AP5M1: variants seen among roughly 807,000 people sequenced by gnomAD.
AP5M1 encodes adaptor related protein complex 5 subunit mu 1, also known as AP-5 complex subunit mu-1.
AP5M1 carries 44 observed loss-of-function variants against 52.3 expected under a neutral mutation model. That is an observed-to-expected ratio of 0.84 (90% CI 0.66 to 1.08). AP5M1 has a LOEUF of 1.08. Ranked by LOEUF, AP5M1 falls within the 50% of genes least tolerant of loss-of-function variation. AP5M1 has a pLI of 0.00. For synonymous variants in AP5M1, 213 were observed against 199.0 expected, an observed-to-expected ratio of 1.07 and a Z score of -0.59; for missense variants, 526 against 568.4, an observed-to-expected ratio of 0.93 and a Z score of 0.76.
intron 1 of AP5M1, among the ~76,000 whole-genome samples, chr14:57,270,748 C>G (rs1262539317): frequency 1.3e-5 from 2 of 152,216 alleles, no homozygotes; most frequent in South Asian, 2.1e-4. Flanking sequence ...TTCCCACTGA[C>G]AGATAACTCT....
chr14:57,275,085 A>C (rs576571358), intron 2 of AP5M1, 196 bp downstream of exon 2: 1 of 623,904 alleles, frequency 1.6e-6, no homozygotes, highest in South Asian at 2.0e-5. Context: ...GGCTGTGTAA[A>C]GAATTGTCTC....
At position 57,277,712 on chromosome 14, in the gene AP5M1, C is replaced by T. The variant is rs1009447144; in HGVS notation, c.721-2483C>T. 1.3e-4 allele frequency among the ~76,000 whole-genome samples: 14 copies of T among 111,100 alleles called. 1 individual carries two copies. The South Asian group carries it at 3.4e-3, about 27-fold the overall frequency. The allele number at this position is 111,100 out of a possible 152,430, so 72.9% of individuals were successfully genotyped here. A position where few individuals can be genotyped will look rare whatever the true frequency, so the allele number is the denominator to read the frequency against. Reference sequence around the variant, plus strand: ...CACACATGTCAAATAGTAGGTAAAACATTAAAAGTGAAACATTTCACATTA... The same window carrying T: ...CACACATGTCAAATAGTAGGTAAAATATTAAAAGTGAAACATTTCACATTA... On this transcript the variant is annotated intron_variant, in intron 2 of 7. Transcript: ENST00000261558.
chr14:57,295,150 G>A lies in AP5M1; in HGVS notation c.*6266G>A, dbSNP rs1160539472. 6.6e-6 allele frequency: 1 copy of A among 151,814 alleles called. No homozygotes were observed. Among genetic ancestry groups the A allele is most frequent in the Non-Finnish European group, 1.5e-5 (1 of 67,832 alleles). The allele number at this position is 151,814 out of a possible 1,614,324, so 9.4% of individuals were successfully genotyped here. A position where few individuals can be genotyped will look rare whatever the true frequency, so the allele number is the denominator to read the frequency against. On this transcript the variant is annotated 3_prime_UTR_variant, in exon 8 of 8. Coordinates refer to ENST00000261558, the MANE Select transcript of AP5M1 (RefSeq NM_018229.4). ...GCAGATTTGTTTCTAAAGGACATAG[G>A]AGTGCATTTTTTATATGAAACCAGA... is the stretch of plus-strand genomic sequence containing the variant.
intron 7 of AP5M1, 139 bp downstream of exon 7, chr14:57,286,458 C>A: frequency 3.2e-6 from 2 of 626,878 alleles, no homozygotes; most frequent in Non-Finnish European, 5.6e-6. Context: ...TGATTCTACC[C>A]CACATAACAG....
intron 2 of AP5M1, among the ~76,000 whole-genome samples, chr14:57,279,246 A>C (rs1273163175): frequency 6.6e-6 from 1 of 152,218 alleles, no homozygotes; most frequent in African/African-American, 2.4e-5. Context: ...TCATTGCAGC[A>C]CTATTCACAA....
intron 2 of AP5M1, among the ~76,000 whole-genome samples, chr14:57,276,156 C>T (rs1885031445): frequency 6.6e-6 from 1 of 151,802 alleles, no homozygotes; most frequent in African/African-American, 2.4e-5. Flanking sequence ...AAAATATACT[C>T]CAGTTACTCA....
In AP5M1 at chr14:57,269,256, C is replaced by A; in HGVS notation, c.-59C>A. The A allele has an allele frequency of 1.3e-6, 2 of 1,524,874 alleles. No individual in the cohort carries two copies. Among genetic ancestry groups the A allele is most frequent in the Admixed American group, 3.4e-5 (2 of 58,716 alleles). The allele number at this position is 1,524,874 out of a possible 1,614,324, so 94.5% of individuals were successfully genotyped here. A position where few individuals can be genotyped will look rare whatever the true frequency, so the allele number is the denominator to read the frequency against. ...GAGTCTGTCTGAGAAAGCCGGTCTG[C>A]GCTGTTCCTCGGTGGCGACCTTAAT... On this transcript the variant is annotated 5_prime_UTR_variant, in exon 1 of 8. Coordinates refer to ENST00000261558, the MANE Select transcript of AP5M1 (RefSeq NM_018229.4).
intron 7 of AP5M1, 161 bp downstream of exon 7, chr14:57,286,480 T>C (rs897649618): frequency 1.1e-4 from 58 of 547,340 alleles, no homozygotes; most frequent in Middle Eastern, 9.6e-4. Context: ...TTGTGTACTT[T>C]ACACTGCCCT....
At chr14:57,286,471 T>C in intron 7 of AP5M1, 152 bp downstream of exon 7, 1 of 593,994 alleles carries the variant, frequency 1.7e-6, no homozygotes, top group Non-Finnish European at 3.0e-6. Context: ...CATAACAGTT[T>C]GTGTACTTTA....
rs1885550748 is a variant in AP5M1 at position 57,296,263 on chromosome 14, AC to A, written c.*7380del. 6.6e-6 allele frequency: 1 copy of A among 151,976 alleles called. No individual in the cohort carries two copies. Among genetic ancestry groups the A allele is most frequent in the African/African-American group, 2.4e-5 (1 of 41,408 alleles). The allele number at this position is 151,976 out of a possible 1,614,324, so 9.4% of individuals were successfully genotyped here. A position where few individuals can be genotyped will look rare whatever the true frequency, so the allele number is the denominator to read the frequency against. On this transcript the variant is annotated 3_prime_UTR_variant, in exon 8 of 8. Transcript: ENST00000261558. ...TTATGGATTGGCTGATTTTTGAAGAACTATTTTCTTAGATTTACCAACAGGA... is the reference window on the plus strand; with the variant it reads ...TTATGGATTGGCTGATTTTTGAAGAATATTTTCTTAGATTTACCAACAGGA...
At chr14:57,270,836 C>T (rs1179377291) in intron 1 of AP5M1, among the ~76,000 whole-genome samples, 3 of 152,186 alleles carry the variant, frequency 2.0e-5, no homozygotes, top group Non-Finnish European at 2.9e-5. Flanking sequence ...GACTTCACTT[C>T]CTAATGTTAC....
At chr14:57,272,900 C>T (rs1037719806) in intron 1 of AP5M1, among the ~76,000 whole-genome samples, 1 of 151,962 alleles carries the variant, frequency 6.6e-6, no homozygotes, top group African/African-American at 2.4e-5. Flanking sequence ...TGTTTGTTTG[C>T]TTGCTTGCTT....
In AP5M1 at chr14:57,289,085, C is replaced by CTTCGA. The variant is rs1279864584; in HGVS notation, c.*204_*208dup. Reference sequence around the variant, plus strand: ...AGCTAATGTCTCCAATTTTGTTAACCTTCGATTTTATGCCAGTATAATTCA... The same window carrying CTTCGA: ...AGCTAATGTCTCCAATTTTGTTAACCTTCGATTCGATTTTATGCCAGTATAATTCA... On this transcript the variant is annotated 3_prime_UTR_variant, in exon 8 of 8. Transcript: ENST00000261558. 1.8e-4 allele frequency: 68 copies of CTTCGA among 370,576 alleles called. No individual in the cohort carries two copies. The highest frequency in any genetic ancestry group is 1.4e-3 in the African/African-American group (64 of 46,388). The allele number at this position is 370,576 out of a possible 1,614,324, so 23.0% of individuals were successfully genotyped here. A position where few individuals can be genotyped will look rare whatever the true frequency, so the allele number is the denominator to read the frequency against.
Position 57,283,198 on chromosome 14 carries a change from C to G in AP5M1, c.1261C>G (p.Pro421Ala). The change falls in exon 6 of 8, where the codon CCA becomes GCA. Residue 421 changes from proline to alanine, a missense_variant. This residue lies in a region of AP5M1 where 97 missense variants were observed against 121.3 expected (regional missense o/e 0.80). Transcript: ENST00000261558. ...AKSHEKQPFDPICTGETAYLK... is the reference protein window; with the variant it reads ...AKSHEKQPFDAICTGETAYLK... ...GAGCCATGAGAAGCAGCCATTTGACCCAATTTGTACTGGAGAAACAGCATA... is the reference window on the plus strand; with the variant it reads ...GAGCCATGAGAAGCAGCCATTTGACGCAATTTGTACTGGAGAAACAGCATA... 1 of 1,612,762 alleles carries G rather than the reference C, an allele frequency of 6.2e-7. No individual in the cohort carries two copies. Among genetic ancestry groups the G allele is most frequent in the East Asian group, 2.2e-5 (1 of 44,828 alleles).
rs369238197 is a variant in AP5M1 at position 57,288,917 on chromosome 14, T to C, written c.*33T>C. ...ATGTTTAAATGGGATTATATAATGA[T>C]AACAGTTTAAAGAAAATCATAATCT... On this transcript the variant is annotated 3_prime_UTR_variant, in exon 8 of 8. Transcript: ENST00000261558. 8.0e-6 allele frequency: 10 copies of C among 1,254,430 alleles called. No homozygotes were observed. Among genetic ancestry groups the C allele is most frequent in the Non-Finnish European group, 1.1e-5 (10 of 884,102 alleles). The allele number at this position is 1,254,430 out of a possible 1,614,324, so 77.7% of individuals were successfully genotyped here. A position where few individuals can be genotyped will look rare whatever the true frequency, so the allele number is the denominator to read the frequency against.
Position 57,291,373 on chromosome 14 carries a change from G to C in AP5M1, c.*2489G>C, listed in dbSNP as rs181307813. On this transcript the variant is annotated 3_prime_UTR_variant, in exon 8 of 8. Coordinates refer to ENST00000261558, the MANE Select transcript of AP5M1 (RefSeq NM_018229.4). ...TAATTATTCTTCAATAAACTCGAAAGGTTAAAAAAAAAAGTGTTAATTTTT... is the reference window on the plus strand; with the variant it reads ...TAATTATTCTTCAATAAACTCGAAACGTTAAAAAAAAAAGTGTTAATTTTT... The C allele has an allele frequency of 6.6e-6, 1 of 150,650 alleles. No individual in the cohort carries two copies. The highest frequency in any genetic ancestry group is 1.5e-5 in the Non-Finnish European group (1 of 67,508). 9.3% of individuals were successfully genotyped at this position (150,650 alleles called of 1,614,324 possible).
At chr14:57,279,453 G>C (rs1438041296) in intron 2 of AP5M1, among the ~76,000 whole-genome samples, 1 of 152,114 alleles carries the variant, frequency 6.6e-6, no homozygotes, top group Admixed American at 6.6e-5. Flanking sequence ...ACCTCATGTT[G>C]TCACTTATAA....
chr14:57,271,947 T>C (rs1884905248), intron 1 of AP5M1, among the ~76,000 whole-genome samples: 1 of 152,210 alleles, frequency 6.6e-6, no homozygotes, highest in Non-Finnish European at 1.5e-5. Context: ...GTAGTGTTAG[T>C]TATGTCCCCT....
In AP5M1 at chr14:57,283,002, T is replaced by G; in HGVS notation, c.1157T>G (p.Leu386Ter). 1 of 1,600,108 alleles carries G rather than the reference T, an allele frequency of 6.2e-7. No individual in the cohort carries two copies. Among genetic ancestry groups the G allele is most frequent in the Non-Finnish European group, 8.5e-7 (1 of 1,171,506 alleles). The change falls in exon 5 of 8, where the codon TTA (leucine) becomes TGA (stop). Residue 386 changes from leucine (L) to a stop codon, truncating the protein, a stop_gained. Transcript: ENST00000261558. LOFTEE classifies it high-confidence loss of function. Reference sequence around the variant, plus strand: ...CTTGAAGTATTTCGAGAGAAAAGCTTATTGATCTGGATTATTGGTGAGCAA... The same window carrying G: ...CTTGAAGTATTTCGAGAGAAAAGCTGATTGATCTGGATTATTGGTGAGCAA... ...GQLEVFREKS[L>*]LIWIIGQKFP...
Sources: allele counts gnomAD v4.1 joint callset (sites outside exome capture counted in the v4.1 genomes callset), GRCh38; gene constraint gnomAD v4.1.1; regional missense constraint gnomAD v4.1.1; transcripts MANE v1.5; gene names NCBI Gene and HGNC (gene_info 2026-07-23, HGNC 2026-07-21).